Variants in VEGFC observed in about 807,000 individuals in gnomAD.
The protein encoded by VEGFC is FLT4 ligand DHM.
Under a neutral mutation model 46.1 loss-of-function variants are expected in VEGFC, and 12 were observed. The observed-to-expected ratio is 0.26, with a 90% confidence interval of 0.17 to 0.42. The LOEUF (loss-of-function observed/expected upper bound fraction) is 0.42. Ranked by LOEUF, VEGFC falls within the 10% of genes least tolerant of loss-of-function variation. The pLI is 1.00. For synonymous variants in VEGFC, 232 were observed against 195.5 expected (o/e 1.19, Z -1.56); for missense variants, 488 against 529.4 (o/e 0.92, Z 0.77).
rs1024681977 is a variant in VEGFC, at chr4:176,777,312, G to A, written c.147+14853C>T. On this transcript the variant is annotated intron_variant, in intron 1 of 6. Coordinates refer to ENST00000618562, the MANE Select transcript of VEGFC (RefSeq NM_005429.5). ...AGCCTGGCCGAGACAGCGAGACTCC[G>A]TCTCAAACAAACAAACAAAAAACTA... Among the ~76,000 whole-genome samples, 17 of 152,140 alleles carry A rather than the reference G, an allele frequency of 1.1e-4. No homozygotes were observed. The East Asian group carries it at 3.1e-3, about 28-fold the overall frequency.
In VEGFC at chr4:176,792,807, G is replaced by T. The variant is rs1560969732; in HGVS notation, c.-496C>A. 7.1e-6 allele frequency: 1 copy of T among 140,484 alleles called. No individual in the cohort carries two copies. The highest frequency in any genetic ancestry group is 2.7e-5 in the African/African-American group (1 of 36,594). 8.7% of individuals were successfully genotyped at this position (140,484 alleles called of 1,614,324 possible). ...CTGGCGGCGGTGCCGGGGGCGGGAGGAGGGCGGCGGGGCGGCTGGCGGCGG... is the reference window on the plus strand; with the variant it reads ...CTGGCGGCGGTGCCGGGGGCGGGAGTAGGGCGGCGGGGCGGCTGGCGGCGG... On this transcript the variant is annotated 5_prime_UTR_variant, in exon 1 of 7. Transcript: ENST00000618562. The surrounding 1 kb of genome is among the most constrained non-coding windows in gnomAD (Gnocchi z 6.3).
chr4:176,750,020 T>A (rs60945181), intron 1 of VEGFC, among the ~76,000 whole-genome samples: 6,942 of 151,734 alleles, frequency 0.046, 499 homozygotes, highest in African/African-American at 0.16. Flanking sequence ...AAAAAATAGA[T>A]CGGTAAACAA....
chr4:176,734,650 T>C (rs1735025278), intron 1 of VEGFC, among the ~76,000 whole-genome samples: 1 of 151,840 alleles, frequency 6.6e-6, no homozygotes, highest in South Asian at 2.1e-4. Flanking sequence ...TTGCAGACTT[T>C]AAGAAACTGC....
chr4:176,730,467 C>A (rs1003535382), intron 1 of VEGFC, among the ~76,000 whole-genome samples: 3 of 151,880 alleles, frequency 2.0e-5, no homozygotes, highest in Admixed American at 6.6e-5. Flanking sequence ...CAATTTTTTT[C>A]TAATTATGCT....
At chr4:176,769,658 C>T (rs528848998) in intron 1 of VEGFC, among the ~76,000 whole-genome samples, 1 of 152,184 alleles carries the variant, frequency 6.6e-6, no homozygotes, top group South Asian at 2.1e-4. Flanking sequence ...TTCTAACAGG[C>T]CCTGGAGTGG....
chr4:176,697,669 T>G (rs1402788316), intron 4 of VEGFC, among the ~76,000 whole-genome samples: 9 of 151,860 alleles, frequency 5.9e-5, no homozygotes, highest in Non-Finnish European at 1.0e-4. Context: ...CATGCTGCTA[T>G]AAAGACACAT....
intron 4 of VEGFC, among the ~76,000 whole-genome samples, chr4:176,690,561 T>C (rs962329612): frequency 3.9e-5 from 6 of 152,186 alleles, no homozygotes; most frequent in African/African-American, 1.2e-4. Flanking sequence ...ATTTTCTAGG[T>C]TAATCATGAA....
intron 1 of VEGFC, among the ~76,000 whole-genome samples, chr4:176,777,972 G>C (rs1361122414): frequency 7.0e-6 from 1 of 142,318 alleles, no homozygotes. Flanking sequence ...ATATGTAGAG[G>C]ATCTATTTTA....
At chr4:176,718,194 T>C (rs1301677101) in intron 3 of VEGFC, among the ~76,000 whole-genome samples, 1 of 152,152 alleles carries the variant, frequency 6.6e-6, no homozygotes, top group Non-Finnish European at 1.5e-5. Flanking sequence ...TAGAGTTCTT[T>C]TTCCACATCA....
At chr4:176,721,522 G>A (rs1734786362) in intron 3 of VEGFC, among the ~76,000 whole-genome samples, 1 of 152,176 alleles carries the variant, frequency 6.6e-6, no homozygotes, top group Non-Finnish European at 1.5e-5. Flanking sequence ...AAGAGGAATG[G>A]TCTAGGTAAG....
At chr4:176,789,447 C>T (rs939931266) in intron 1 of VEGFC, among the ~76,000 whole-genome samples, 2 of 152,152 alleles carry the variant, frequency 1.3e-5, no homozygotes, top group African/African-American at 2.4e-5. Flanking sequence ...ATGAATTGAA[C>T]TTTCTATATC....
In VEGFC at chr4:176,792,343, G is replaced by T; in HGVS notation, c.-32C>A. On this transcript the variant is annotated 5_prime_UTR_variant, in exon 1 of 7. Coordinates refer to ENST00000618562, the MANE Select transcript of VEGFC (RefSeq NM_005429.5). The surrounding 1 kb of genome is among the most constrained non-coding windows in gnomAD (Gnocchi z 6.3). Reference sequence around the variant, plus strand: ...AGGACCGGGGGTGGGGGACCGGTCCGCTGGCGGGGGCAGGGGTGGGGGCGC... The same window carrying T: ...AGGACCGGGGGTGGGGGACCGGTCCTCTGGCGGGGGCAGGGGTGGGGGCGC... The T allele has an allele frequency of 2.1e-6, 3 of 1,438,514 alleles. No homozygotes were observed. The highest frequency in any genetic ancestry group is 2.7e-6 in the Non-Finnish European group (3 of 1,096,216). 89.1% of individuals were successfully genotyped at this position (1,438,514 alleles called of 1,614,324 possible). A position where few individuals can be genotyped will look rare whatever the true frequency, so the allele number is the denominator to read the frequency against.
At chr4:176,708,388 T>C (rs1734571770) in intron 4 of VEGFC, among the ~76,000 whole-genome samples, 1 of 152,048 alleles carries the variant, frequency 6.6e-6, no homozygotes, top group African/African-American at 2.4e-5. Flanking sequence ...TAACACTACA[T>C]TGAACAAAAA....
chr4:176,698,684 T>C (rs1734369253), intron 4 of VEGFC, among the ~76,000 whole-genome samples: 1 of 152,106 alleles, frequency 6.6e-6, no homozygotes, highest in African/African-American at 2.4e-5. Context: ...ACCTTGTAAC[T>C]GCAAGTTGTC....
At chr4:176,746,757 TCACAA>T in intron 1 of VEGFC, among the ~76,000 whole-genome samples, 1 of 152,176 alleles carries the variant, frequency 6.6e-6, no homozygotes, top group East Asian at 1.9e-4. Context: ...CATATTAAAT[TCACAA>T]TAGCACACAA....
At chr4:176,703,600 T>C (rs1047338564) in intron 4 of VEGFC, among the ~76,000 whole-genome samples, 3 of 152,118 alleles carry the variant, frequency 2.0e-5, no homozygotes, top group Admixed American at 6.6e-5. Context: ...TATTTTATTA[T>C]ATATTTCAAA....
intron 4 of VEGFC, among the ~76,000 whole-genome samples, chr4:176,696,529 G>C (rs1283540469): frequency 8.7e-5 from 13 of 149,670 alleles, no homozygotes; most frequent in African/African-American, 3.3e-4. Context: ...TGGGTAGGAA[G>C]AATCAATATC....
At chr4:176,739,674 C>A (rs1735122066) in intron 1 of VEGFC, among the ~76,000 whole-genome samples, 1 of 151,472 alleles carries the variant, frequency 6.6e-6, no homozygotes, top group Admixed American at 6.6e-5. Flanking sequence ...ATAGGATGAT[C>A]TGTGCAGCAA....
intron 4 of VEGFC, among the ~76,000 whole-genome samples, chr4:176,697,453 T>C (rs1433414061): frequency 3.3e-5 from 5 of 152,192 alleles, no homozygotes; most frequent in Admixed American, 2.0e-4. Flanking sequence ...TCACACCACG[T>C]AGAATGGCAA....
Sources: allele counts gnomAD v4.1 joint callset (sites outside exome capture counted in the v4.1 genomes callset), GRCh38; gene constraint gnomAD v4.1.1; non-coding constraint Gnocchi (gnomAD v3.1); transcripts MANE v1.5; gene names NCBI Gene and HGNC (gene_info 2026-07-23, HGNC 2026-07-21).